Variants in CDHR2 observed in about 807,000 individuals in gnomAD.
CDHR2 encodes the protein cadherin related family member 2, also known as cadherin-related family member 2.
Under a neutral mutation model 138.6 loss-of-function variants are expected in CDHR2, and 104 were observed. The ratio of observed to expected loss-of-function variants is 0.75; its 90% CI spans 0.64 to 0.88. The LOEUF (loss-of-function observed/expected upper bound fraction) is 0.88. CDHR2 is among the 40% of genes least tolerant of loss of function. CDHR2 has a pLI of 0.00. For missense variants in CDHR2, 1,624 were observed against 1,727.6 expected, an observed-to-expected ratio of 0.94 and a Z score of 1.06; for synonymous variants, 755 against 742.8, an observed-to-expected ratio of 1.02 and a Z score of -0.27.
intron 12 of CDHR2, 27 bp from the exon 13 acceptor site, chr5:176,577,372 T>G: frequency 6.3e-7 from 1 of 1,592,506 alleles, no homozygotes; most frequent in Non-Finnish European, 8.5e-7. Flanking sequence ...GGGGGACAGG[T>G]CCCTGCTAGA....
intron 10 of CDHR2, 31 bp downstream of exon 10, chr5:176,575,612 G>C: frequency 1.9e-6 from 3 of 1,610,348 alleles, no homozygotes; most frequent in Non-Finnish European, 2.5e-6. Flanking sequence ...GGCCAGGGCT[G>C]GGCCGGGGCC....
At position 176,577,672 on chromosome 5, in the gene CDHR2, C is replaced by T. The variant is rs571413468; in HGVS notation, c.1386C>T (p.Ser462=). ...CAGACTCCGTCAGCCAGAACTTCTC[C>T]GTCGCCATGGTGACCATCCACCTTA... ...VATDSVSQNF[S]VAMVTIHLRD... is the part of the protein sequence containing the mutation. The change falls in exon 14 of 32, where the codon TCC becomes TCT. Residue 462 remains serine (S), a synonymous_variant. Coordinates refer to ENST00000261944, the MANE Select transcript of CDHR2 (RefSeq NM_017675.6). 3.7e-5 allele frequency: 59 copies of T among 1,614,230 alleles called. No homozygotes were observed. The South Asian group carries it at 4.0e-4, about 11-fold the overall frequency.
intron 1 of CDHR2, among the ~76,000 whole-genome samples, chr5:176,552,161 G>A (rs1314844566): frequency 2.6e-5 from 4 of 152,200 alleles, no homozygotes; most frequent in Non-Finnish European, 5.9e-5. Context: ...CAGCCCAGGG[G>A]CAACTCCATT....
intron 16 of CDHR2, among the ~76,000 whole-genome samples, chr5:176,579,614 T>C (rs751488851): frequency 3.9e-5 from 6 of 152,138 alleles, no homozygotes; most frequent in Non-Finnish European, 8.8e-5. Context: ...CACCAAAGGA[T>C]GAGCAGACAG....
In CDHR2 at chr5:176,595,562, C is replaced by T. The variant is rs973695587; in HGVS notation, c.3823C>T (p.Pro1275Ser). The T allele has an allele frequency of 3.7e-6, 6 of 1,611,142 alleles. No homozygotes were observed. In the African/African-American group the frequency reaches 5.3e-5, roughly 14 times the overall value. The change falls in exon 32 of 32, where the codon CCA becomes TCA. Residue 1275 changes from proline to serine, a missense_variant. Coordinates refer to ENST00000261944, the MANE Select transcript of CDHR2 (RefSeq NM_017675.6). ...EHRPPHTPPE[P>S]DPEPLSVVLL... is the part of the protein sequence containing the mutation. ...CAGGCCACCACACACACCACCAGAG[C>T]CAGATCCAGAGCCCCTGAGCGTGGT...
rs1443909194 is a variant in CDHR2 at position 176,581,576 on chromosome 5, T to A, written c.2052T>A (p.Thr684=). 6.2e-7 allele frequency: 1 copy of A among 1,613,468 alleles called. No individual in the cohort carries two copies. The highest frequency in any genetic ancestry group is 1.3e-5 in the African/African-American group (1 of 74,940). The change falls in exon 17 of 32, where the codon ACT becomes ACA. Residue 684 remains threonine, a synonymous_variant. Transcript: ENST00000261944. ...GCACCAAAGTCAATGTCACCATCACTGTGGAGGTAAGGCCTCGCTTAGCCA... is the reference window on the plus strand; with the variant it reads ...GCACCAAAGTCAATGTCACCATCACAGTGGAGGTAAGGCCTCGCTTAGCCA... ...VLGTKVNVTI[T]VEDINDNLPI...
rs372267785 is a variant in CDHR2, at chr5:176,576,200, G to A, written c.1194+15G>A. ...ACCCGGACAAGGCAGGCGTGGTGGC[G>A]TGGGTGTGGGCGGGGGTGGCTGGGG... is the stretch of plus-strand genomic sequence containing the variant. On this transcript the variant is annotated intron_variant, in intron 12 of 31. Transcript: ENST00000261944. This position sits in a 1 kb window ranked among gnomAD's most constrained non-coding sequence, Gnocchi z 4.5. 2.5e-4 allele frequency: 393 copies of A among 1,591,474 alleles called. No individual in the cohort carries two copies. Among genetic ancestry groups the A allele is most frequent in the Non-Finnish European group, 3.1e-4 (361 of 1,166,734 alleles).
At chr5:176,583,277 C>A (rs1457144312) in intron 17 of CDHR2, among the ~76,000 whole-genome samples, 1 of 152,184 alleles carries the variant, frequency 6.6e-6, no homozygotes, top group Non-Finnish European at 1.5e-5. Context: ...AGAGGTGGAG[C>A]AAGATGTGAC....
At position 176,575,553 on chromosome 5, in the gene CDHR2, C is replaced by A; in HGVS notation, c.816C>A (p.Ile272=). The A allele has an allele frequency of 1.9e-6, 3 of 1,614,154 alleles. No homozygotes were observed. The highest frequency in any genetic ancestry group is 2.5e-6 in the Non-Finnish European group (3 of 1,180,006). The change falls in exon 10 of 32, where the codon ATC becomes ATA. Residue 272 remains isoleucine, a synonymous_variant. Transcript: ENST00000261944. The part of the protein sequence containing the change: ...TVEAVDGDKG[I]NDPVIYSISY... ...AGGCTGTGGATGGCGACAAAGGCAT[C>A]AATGACCCTGTGATCTACAGCATCT... is the stretch of plus-strand genomic sequence containing the variant.
rs1023675068 is a variant in CDHR2, at chr5:176,591,485, G to A, written c.3734+1G>A. ...CCTCCAATGACCTGGACTCTGTCAG[G>A]TGAGCAGTGCCCCTCACAGCCAGGC... On this transcript the variant is annotated splice_donor_variant, in intron 30 of 31. Coordinates refer to ENST00000261944, the MANE Select transcript of CDHR2 (RefSeq NM_017675.6). LOFTEE classifies it high-confidence loss of function. The A allele has an allele frequency of 6.2e-7, 1 of 1,610,998 alleles. No homozygotes were observed. The highest frequency in any genetic ancestry group is 1.3e-5 in the African/African-American group (1 of 74,878).
chr5:176,552,793 G>A (rs1034684904), intron 1 of CDHR2, among the ~76,000 whole-genome samples: 11 of 152,226 alleles, frequency 7.2e-5, no homozygotes, highest in Non-Finnish European at 1.3e-4. Flanking sequence ...ACTGGCCTGG[G>A]AGGCAGACAG....
intron 21 of CDHR2, among the ~76,000 whole-genome samples, chr5:176,587,545 G>T (rs1442687487): frequency 2.0e-5 from 3 of 152,176 alleles, no homozygotes; most frequent in Non-Finnish European, 4.4e-5. Context: ...ATTAGGGGTG[G>T]TGGCCATGCC....
At chr5:176,580,118 A>ACACGCACG (rs1170173138) in intron 16 of CDHR2, among the ~76,000 whole-genome samples, 2 of 133,996 alleles carry the variant, frequency 1.5e-5, no homozygotes, top group Non-Finnish European at 3.3e-5. Flanking sequence ...ACACACACAC[A>ACACGCACG]CACTCACGCA....
chr5:176,594,130 G>A (rs1758958312), intron 31 of CDHR2, among the ~76,000 whole-genome samples: 1 of 151,890 alleles, frequency 6.6e-6, no homozygotes, highest in Non-Finnish European at 1.5e-5. Flanking sequence ...AGGGAAGTAG[G>A]AGAAGGGTCT....
chr5:176,546,687 G>A (rs184554876), upstream of CDHR2, among the ~76,000 whole-genome samples: 136 of 146,722 alleles, frequency 9.3e-4, 1 homozygote, highest in East Asian at 2.2e-3. Context: ...TTGGGAGGCC[G>A]ACACGGGTGG....
intron 1 of CDHR2, among the ~76,000 whole-genome samples, chr5:176,564,278 C>T (rs144024986): frequency 0.017 from 2,653 of 152,268 alleles, 38 homozygotes; most frequent in Non-Finnish European, 0.028. Flanking sequence ...TTCCGCCTCC[C>T]GGATTCAAGC....
chr5:176,577,600 TG>T, intron 13 of CDHR2, 36 bp from the exon 14 acceptor site: 2 of 1,613,780 alleles, frequency 1.2e-6, no homozygotes, highest in Non-Finnish European at 1.7e-6. Flanking sequence ...GAGGGGCACT[TG>T]GGCCCCACAG....
chr5:176,566,880 G>C (rs1286324871), intron 3 of CDHR2: 1 of 452,570 alleles, frequency 2.2e-6, no homozygotes, highest in Admixed American at 2.4e-5. Context: ...AAAATCTGGG[G>C]CTCCATTGTT....
At position 176,581,598 on chromosome 5, in the gene CDHR2, G is replaced by C; in HGVS notation, c.2058+16G>C. ...CACTGTGGAGGTAAGGCCTCGCTTA[G>C]CCAGGATGGGCCTGGGGGCCTCCCA... On this transcript the variant is annotated intron_variant, in intron 17 of 31. Transcript: ENST00000261944. 1 of 1,608,358 alleles carries C rather than the reference G, an allele frequency of 6.2e-7. No individual in the cohort carries two copies. The highest frequency in any genetic ancestry group is 8.5e-7 in the Non-Finnish European group (1 of 1,177,908).
Sources: allele counts gnomAD v4.1 joint callset (sites outside exome capture counted in the v4.1 genomes callset), GRCh38; gene constraint gnomAD v4.1.1; non-coding constraint Gnocchi (gnomAD v3.1); transcripts MANE v1.5; gene names NCBI Gene and HGNC (gene_info 2026-07-23, HGNC 2026-07-21).